Variants in NETO2 observed in about 807,000 individuals in gnomAD.
NETO2 encodes neuropilin and tolloid-like protein 2.
NETO2 carries 28 observed loss-of-function variants against 62.5 expected under a neutral mutation model. The observed-to-expected ratio is 0.45, with a 90% CI of 0.33 to 0.61. The LOEUF is 0.61. Ranked by LOEUF, NETO2 falls within the 20% of genes least tolerant of loss-of-function variation. The probability of loss-of-function intolerance (pLI) is 0.02; values close to 1 mark genes in which losing one functional copy is unlikely to be tolerated. For synonymous variants in NETO2, 214 were observed against 219.1 expected, an observed-to-expected ratio of 0.98 and a Z score of 0.21; for missense variants, 548 against 643.2, an observed-to-expected ratio of 0.85 and a Z score of 1.60.
intron 7 of NETO2, among the ~76,000 whole-genome samples, chr16:47,106,546 A>G (rs998091394): frequency 6.6e-6 from 1 of 152,148 alleles, no homozygotes; most frequent in African/African-American, 2.4e-5. Flanking sequence ...CAACTTTTTA[A>G]ACCAAACAAT....
chr16:47,109,981 C>G (rs1013576141), intron 6 of NETO2, among the ~76,000 whole-genome samples: 2 of 152,116 alleles, frequency 1.3e-5, no homozygotes, highest in Non-Finnish European at 2.9e-5. Flanking sequence ...ATAACTATCT[C>G]ACATTTTTCT....
rs201096875 is a variant in NETO2 at position 47,083,544 on chromosome 16, A to G, written c.1255T>C (p.Leu419=). 205 of 1,614,180 alleles carry G rather than the reference A, an allele frequency of 1.3e-4. 1 individual carries two copies. The East Asian group carries it at 4.0e-3, about 31-fold the overall frequency. ...SADLADLSEE[L]DNYQKMRRSS... Reference sequence around the variant, plus strand: ...CGCCGCATCTTCTGGTAGTTGTCCAATTCTTCCGACAAGTCTGCCAGGTCT... The same window carrying G: ...CGCCGCATCTTCTGGTAGTTGTCCAGTTCTTCCGACAAGTCTGCCAGGTCT... Residue 419 remains leucine (L), a synonymous_variant, in exon 9 of 9, where the codon TTG becomes CTG. Transcript: ENST00000562435.
intron 1 of NETO2, among the ~76,000 whole-genome samples, chr16:47,141,920 A>T (rs181010700): frequency 6.6e-6 from 1 of 152,176 alleles, no homozygotes; most frequent in Non-Finnish European, 1.5e-5. Context: ...TCCCTTCACC[A>T]TTGGAGGAGG....
Position 47,083,549 on chromosome 16 carries a change from T to C in NETO2, c.1250A>G (p.Glu417Gly), listed in dbSNP as rs377005431. Residue 417 changes from glutamate to glycine, a missense_variant, in exon 9 of 9, where the codon GAA becomes GGA. Coordinates refer to ENST00000562435, the MANE Select transcript of NETO2 (RefSeq NM_018092.5). ...CATCTTCTGGTAGTTGTCCAATTCT[T>C]CCGACAAGTCTGCCAGGTCTGCAGA... is the stretch of plus-strand genomic sequence containing the variant. ...EISADLADLS[E>G]ELDNYQKMRR... 47 of 1,614,092 alleles carry C rather than the reference T, an allele frequency of 2.9e-5. No individual in the cohort carries two copies. Among genetic ancestry groups the C allele is most frequent in the Non-Finnish European group, 3.8e-5 (45 of 1,180,054 alleles).
At chr16:47,095,993 A>G (rs1963420811) in intron 7 of NETO2, among the ~76,000 whole-genome samples, 1 of 152,202 alleles carries the variant, frequency 6.6e-6, no homozygotes, top group African/African-American at 2.4e-5. Flanking sequence ...CTAGATATCA[A>G]CAACTGAAGG....
intron 7 of NETO2, among the ~76,000 whole-genome samples, chr16:47,099,484 G>A (rs1963497557): frequency 6.6e-6 from 1 of 152,142 alleles, no homozygotes; most frequent in Admixed American, 6.5e-5. Flanking sequence ...ATGTAAATGG[G>A]CTAAATGCCC....
At chr16:47,085,963 G>A (rs566326795) in intron 8 of NETO2, among the ~76,000 whole-genome samples, 11 of 151,858 alleles carry the variant, frequency 7.2e-5, no homozygotes, top group South Asian at 6.3e-4. Flanking sequence ...AAAATTAGCC[G>A]GGCGTGGTGG....
intron 7 of NETO2, among the ~76,000 whole-genome samples, chr16:47,106,922 T>C (rs1195929083): frequency 1.3e-5 from 2 of 151,978 alleles, no homozygotes; most frequent in African/African-American, 4.8e-5. Flanking sequence ...GATGGAATTA[T>C]AGGCGCGTGC....
intron 7 of NETO2, among the ~76,000 whole-genome samples, chr16:47,105,971 G>T (rs1963664407): frequency 6.6e-6 from 1 of 152,140 alleles, no homozygotes; most frequent in Non-Finnish European, 1.5e-5. Flanking sequence ...CTACACAGCA[G>T]CAGTACTCAT....
At chr16:47,116,883 C>A (rs935427988) in intron 6 of NETO2, among the ~76,000 whole-genome samples, 2 of 152,156 alleles carry the variant, frequency 1.3e-5, no homozygotes, top group Admixed American at 6.5e-5. Flanking sequence ...TCGAAGTCAT[C>A]TGATTTTCTG....
chr16:47,080,604 T>C lies in NETO2; in HGVS notation c.*2617A>G, dbSNP rs1429826196. On this transcript the variant is annotated 3_prime_UTR_variant, in exon 9 of 9. Transcript: ENST00000562435. Reference sequence around the variant, plus strand: ...CTTCCAAAAGCATAGAGAAGTTTAATAAATAAATGAGATCTAATGCCCATC... The same window carrying C: ...CTTCCAAAAGCATAGAGAAGTTTAACAAATAAATGAGATCTAATGCCCATC... 5 of 152,350 alleles carry C rather than the reference T, an allele frequency of 3.3e-5. No homozygotes were observed. The highest frequency in any genetic ancestry group is 3.3e-4 in the Admixed American group (5 of 15,298). The allele number at this position is 152,350 out of a possible 1,614,324, so 9.4% of individuals were successfully genotyped here.
At chr16:47,098,531 A>C (rs1471734649) in intron 7 of NETO2, among the ~76,000 whole-genome samples, 1 of 152,198 alleles carries the variant, frequency 6.6e-6, no homozygotes, top group African/African-American at 2.4e-5. Context: ...GACTACGTGA[A>C]AAGACCAAAC....
intron 6 of NETO2, among the ~76,000 whole-genome samples, chr16:47,114,725 C>T (rs1963874635): frequency 6.6e-6 from 1 of 152,046 alleles, no homozygotes; most frequent in Non-Finnish European, 1.5e-5. Context: ...GCTGGGATTA[C>T]AGATGTGAGC....
intron 4 of NETO2, among the ~76,000 whole-genome samples, chr16:47,125,581 T>A (rs556686219): frequency 1.1e-4 from 17 of 152,256 alleles, no homozygotes; most frequent in Admixed American, 9.8e-4. Context: ...CCTGACCTCA[T>A]GTGATCCACC....
At chr16:47,114,693 G>A (rs973222770) in intron 6 of NETO2, among the ~76,000 whole-genome samples, 4 of 151,458 alleles carry the variant, frequency 2.6e-5, no homozygotes, top group East Asian at 1.9e-4. Flanking sequence ...CTCGAGATCC[G>A]CCCGCCTCAG....
intron 1 of NETO2, 126 bp from the exon 2 acceptor site, chr16:47,132,151 T>C: frequency 1.4e-6 from 1 of 715,290 alleles, no homozygotes; most frequent in Non-Finnish European, 2.4e-6. Flanking sequence ...CAAAATTCAC[T>C]CTCAAGATCT....
intron 1 of NETO2, among the ~76,000 whole-genome samples, chr16:47,137,669 C>T (rs1964385247): frequency 6.6e-6 from 1 of 152,204 alleles, no homozygotes; most frequent in South Asian, 2.1e-4. Context: ...AACCTGCTTT[C>T]TCCAGGAACC....
rs537985481 is a variant in NETO2 at position 47,081,703 on chromosome 16, C to G, written c.*1518G>C. ...AATTTACCTCTTTTAAATGGCATGT[C>G]TGTATTACTTACAATTTGATAAATG... On this transcript the variant is annotated 3_prime_UTR_variant, in exon 9 of 9. Coordinates refer to ENST00000562435, the MANE Select transcript of NETO2 (RefSeq NM_018092.5). 2 of 152,574 alleles carry G rather than the reference C, an allele frequency of 1.3e-5. No individual in the cohort carries two copies. The highest frequency in any genetic ancestry group is 3.9e-4 in the East Asian group (2 of 5,194). 9.5% of individuals were successfully genotyped at this position (152,574 alleles called of 1,614,324 possible).
chr16:47,130,888 A>G (rs1190635262), intron 2 of NETO2, among the ~76,000 whole-genome samples: 3 of 152,146 alleles, frequency 2.0e-5, no homozygotes, highest in African/African-American at 7.2e-5. Context: ...CCCTTTACAG[A>G]AAAAGTGTTC....
Sources: gnomAD v4.1 joint callset for allele counts (sites outside exome capture counted in the v4.1 genomes callset) on GRCh38, gnomAD v4.1.1 for gene constraint, MANE v1.5 for transcripts, NCBI Gene and HGNC (gene_info 2026-07-23, HGNC 2026-07-21) for gene names.